The following MAML2 variants were observed in gnomAD, a reference collection of about 807,000 sequenced individuals.
MAML2 encodes the protein mastermind-like protein 2.
MAML2 carries 22 observed loss-of-function variants against 96.1 expected under a neutral mutation model. The ratio of observed to expected loss-of-function variants is 0.23; its 90% CI spans 0.16 to 0.33. The LOEUF is 0.33. Ranked by LOEUF, MAML2 falls within the 10% of genes least tolerant of loss-of-function variation. The probability of loss-of-function intolerance (pLI) is 1.00; values close to 1 mark genes in which losing one functional copy is unlikely to be tolerated. For synonymous variants in MAML2, 561 were observed against 521.3 expected, an observed-to-expected ratio of 1.08 and a Z score of -1.04; for missense variants, 1,367 against 1,392.4, an observed-to-expected ratio of 0.98 and a Z score of 0.29.
Position 95,991,529 on chromosome 11 carries a change from C to G in MAML2, c.2334G>C (p.Leu778=). The change falls in exon 3 of 5, where the codon CTG becomes CTC. Residue 778 remains leucine, a synonymous_variant. Transcript: ENST00000524717. ...TAAGAGAAAGTTTTACCGCGTCAGC[C>G]AGCATCTGCTGCTGGAGAAGAAGTT... ...KQQLLLQQQM[L]ADAEKIAPQD... 6.2e-7 allele frequency: 1 copy of G among 1,613,690 alleles called. No homozygotes were observed.
At chr11:96,206,503 C>A (rs1861897872) in intron 1 of MAML2, among the ~76,000 whole-genome samples, 1 of 152,182 alleles carries the variant, frequency 6.6e-6, no homozygotes. Context: ...GAGCCTGAGG[C>A]AGGAGAATCG....
chr11:96,284,467 C>T (rs1863112046), intron 1 of MAML2, among the ~76,000 whole-genome samples: 1 of 152,170 alleles, frequency 6.6e-6, no homozygotes, highest in Non-Finnish European at 1.5e-5. Context: ...ATAGTTTCTT[C>T]TCATTGGTTC....
At chr11:96,027,537 T>TA (rs1250732188) in intron 2 of MAML2, among the ~76,000 whole-genome samples, 1 of 152,052 alleles carries the variant, frequency 6.6e-6, no homozygotes, top group Non-Finnish European at 1.5e-5. Context: ...TGAAAAGTGC[T>TA]CTGACAGAGG....
rs1169419692 is a variant in MAML2, at chr11:95,979,453, C to T, written c.2966G>A (p.Gly989Asp). Residue 989 changes from glycine to aspartate, a missense_variant, in exon 5 of 5, where the codon GGT becomes GAT. By Grantham distance (94) the Gly-to-Asp change is moderately conservative. Transcript: ENST00000524717. ...ATTTGGGGTATAGGCTGCAGGTGTA[C>T]CTGTGGGGAAGCGGACTCCTGCAGA... ...LTSAGVRFPT[G>D]TPAAYTPNQS... The T allele has an allele frequency of 1.2e-6, 2 of 1,613,458 alleles. No individual in the cohort carries two copies. The highest frequency in any genetic ancestry group is 1.7e-6 in the Non-Finnish European group (2 of 1,179,772).
intron 1 of MAML2, among the ~76,000 whole-genome samples, chr11:96,269,954 G>A (rs1397704178): frequency 6.9e-6 from 1 of 143,948 alleles, no homozygotes; most frequent in Non-Finnish European, 1.5e-5. Flanking sequence ...AAACCTCATG[G>A]CTTTAAATAT....
At chr11:96,300,420 G>A (rs1380839748) in intron 1 of MAML2, among the ~76,000 whole-genome samples, 1 of 152,168 alleles carries the variant, frequency 6.6e-6, no homozygotes, top group Non-Finnish European at 1.5e-5. Flanking sequence ...CCATTGCAAA[G>A]GAGGAGGGAG....
At position 96,299,067 on chromosome 11, in the gene MAML2, A is replaced by AT. The variant is rs936829127; in HGVS notation, c.513+42315dup. 3.7e-5 allele frequency among the ~76,000 whole-genome samples: 5 copies of AT among 135,630 alleles called. No individual in the cohort carries two copies. The East Asian group carries it at 8.5e-4, about 23-fold the overall frequency. 89.0% of individuals were successfully genotyped at this position (135,630 alleles called of 152,430 possible). A position where few individuals can be genotyped will look rare whatever the true frequency, so the allele number is the denominator to read the frequency against. On this transcript the variant is annotated intron_variant, in intron 1 of 4. Transcript: ENST00000524717. The stretch of plus-strand genomic sequence containing the variant: ...CTCAAAAAAAAAAAAAAAAATATAT[A>AT]TATATATATATATAAAATTTCACCA...
At chr11:96,282,564 T>A in intron 1 of MAML2, among the ~76,000 whole-genome samples, 1 of 152,194 alleles carries the variant, frequency 6.6e-6, no homozygotes, top group East Asian at 1.9e-4. Context: ...AAATTATCTC[T>A]CCATCTTACT....
chr11:96,221,689 CTTTT>C (rs71040137), intron 1 of MAML2, among the ~76,000 whole-genome samples: 3 of 105,768 alleles, frequency 2.8e-5, no homozygotes, highest in African/African-American at 3.6e-5. Flanking sequence ...TTCAGTCAAG[CTTTT>C]TTTTTTTTTT....
At chr11:96,284,537 C>CT (rs764754729) in intron 1 of MAML2, among the ~76,000 whole-genome samples, 1 of 152,168 alleles carries the variant, frequency 6.6e-6, no homozygotes, top group Non-Finnish European at 1.5e-5. Flanking sequence ...AACAGTGAAT[C>CT]TGCAATTCTT....
intron 2 of MAML2, among the ~76,000 whole-genome samples, chr11:96,025,555 T>A (rs928605236): frequency 4.6e-5 from 7 of 152,114 alleles, no homozygotes; most frequent in African/African-American, 1.7e-4. Flanking sequence ...AAGTGTAAAT[T>A]ATTGTTATTA....
chr11:96,202,984 G>C (rs1861847486), intron 1 of MAML2, among the ~76,000 whole-genome samples: 1 of 152,090 alleles, frequency 6.6e-6, no homozygotes, highest in Non-Finnish European at 1.5e-5. Flanking sequence ...ACCTAGTAAA[G>C]TTTTGAACAC....
At chr11:96,182,662 T>C (rs1356665918) in intron 1 of MAML2, among the ~76,000 whole-genome samples, 2 of 152,214 alleles carry the variant, frequency 1.3e-5, no homozygotes, top group African/African-American at 4.8e-5. Flanking sequence ...TACTGTTTTA[T>C]AGATGAGAAA....
intron 1 of MAML2, among the ~76,000 whole-genome samples, chr11:96,197,500 T>C (rs1005501982): frequency 1.3e-5 from 2 of 152,118 alleles, no homozygotes; most frequent in African/African-American, 4.8e-5. Flanking sequence ...AGAAAAAATA[T>C]AAGGGGGACT....
intron 1 of MAML2, among the ~76,000 whole-genome samples, chr11:96,136,706 TCTC>T (rs528834398): frequency 1.5e-4 from 23 of 152,334 alleles, no homozygotes; most frequent in African/African-American, 5.5e-4. Flanking sequence ...CAGTTCATTT[TCTC>T]CTCAATAATA....
chr11:96,264,660 T>C (rs1862801440), intron 1 of MAML2, among the ~76,000 whole-genome samples: 1 of 152,192 alleles, frequency 6.6e-6, no homozygotes, highest in Admixed American at 6.5e-5. Flanking sequence ...TCAAGTTATG[T>C]CTTCTAAGCT....
intron 1 of MAML2, among the ~76,000 whole-genome samples, chr11:96,274,099 T>C (rs1862951999): frequency 6.8e-6 from 1 of 147,638 alleles, no homozygotes; most frequent in African/African-American, 2.5e-5. Flanking sequence ...TTTTTTTTTT[T>C]TTAGAAGGAG....
At chr11:96,024,361 A>C (rs185420761) in intron 2 of MAML2, among the ~76,000 whole-genome samples, 15 of 152,396 alleles carry the variant, frequency 9.8e-5, no homozygotes, top group Non-Finnish European at 2.1e-4. Flanking sequence ...TAGAGAACTT[A>C]GTAATGTCAA....
chr11:96,031,128 C>A (rs1858607421), intron 2 of MAML2, among the ~76,000 whole-genome samples: 2 of 152,172 alleles, frequency 1.3e-5, no homozygotes, highest in Admixed American at 1.3e-4. Context: ...TAAGAATTAA[C>A]TAAGGTAATA....
Sources: gnomAD v4.1 joint callset for allele counts (sites outside exome capture counted in the v4.1 genomes callset) on GRCh38, gnomAD v4.1.1 for gene constraint, MANE v1.5 for transcripts, NCBI Gene and HGNC (gene_info 2026-07-23, HGNC 2026-07-21) for gene names.